The following MTAP variants were observed in gnomAD, a reference collection of about 807,000 sequenced individuals.
MTAP encodes S-methyl-5'-thioadenosine phosphorylase.
MTAP carries 33 observed loss-of-function variants against 33.6 expected under a neutral mutation model. That is an observed-to-expected ratio of 0.98 (90% confidence interval 0.74 to 1.31). The LOEUF (loss-of-function observed/expected upper bound fraction) is 1.31, where lower values mean the gene tolerates loss of function less well. Ranked by LOEUF, MTAP falls within the 40% of genes most tolerant of loss-of-function variation. The probability of loss-of-function intolerance (pLI) is 0.00; values close to 1 mark genes in which losing one functional copy is unlikely to be tolerated. For synonymous variants in MTAP, 148 were observed against 125.7 expected, an observed-to-expected ratio of 1.18 and a Z score of -1.19; for missense variants, 367 against 360.0, an observed-to-expected ratio of 1.02 and a Z score of -0.16.
rs1336022869 is a variant in MTAP, at chr9:21,922,110, C to T, written c.148-8898C>T. On this transcript the variant is annotated intron_variant, in intron 1 of 1. Coordinates refer to the MTAP transcript ENST00000577563. The surrounding 1 kb of genome is among the most constrained non-coding windows in gnomAD (Gnocchi z 4.8). ...GCTTCCCAATAAGGAGCTGAGCAAG[C>T]AGTCTCAAGCATGCACTAAGAGGCA... Among the ~76,000 whole-genome samples the T allele has an allele frequency of 1.3e-5, 2 of 152,090 alleles. No individual in the cohort carries two copies. The highest frequency in any genetic ancestry group is 3.9e-4 in the East Asian group (2 of 5,174).
intron 4 of MTAP, among the ~76,000 whole-genome samples, chr9:21,833,493 G>T (rs1160498602): frequency 2.0e-5 from 3 of 152,174 alleles, no homozygotes; most frequent in Non-Finnish European, 4.4e-5. Flanking sequence ...TGGTTATAGA[G>T]ACAGAATTGT....
intron 6 of MTAP, among the ~76,000 whole-genome samples, 166 bp downstream of exon 6, chr9:21,855,036 AAAGG>A (rs1471154927): frequency 1.3e-5 from 2 of 152,232 alleles, no homozygotes; most frequent in African/African-American, 2.4e-5. Flanking sequence ...AACAAAGATC[AAAGG>A]AAAGAAAGAG....
At chr9:21,932,529 G>T (rs1054136342), downstream of MTAP, 1 of 151,972 alleles carries the variant, frequency 6.6e-6, no homozygotes, top group African/African-American at 2.4e-5. Context: ...TCTGACTACC[G>T]ATGGCTCCAC....
chr9:21,868,784 C>G (rs996365776), downstream of MTAP, among the ~76,000 whole-genome samples: 6 of 152,126 alleles, frequency 3.9e-5, no homozygotes, highest in African/African-American at 1.4e-4. Context: ...TGTTTTCCCT[C>G]CTGTTACCAT....
intron 1 of MTAP, among the ~76,000 whole-genome samples, chr9:21,924,984 C>A (rs1312812332): frequency 1.3e-5 from 2 of 152,232 alleles, no homozygotes; most frequent in African/African-American, 4.8e-5. Flanking sequence ...GAGAACATGA[C>A]TCCATTATGG....
At chr9:21,824,107 C>CAA (rs1477711238) in intron 4 of MTAP, among the ~76,000 whole-genome samples, 1 of 152,112 alleles carries the variant, frequency 6.6e-6, no homozygotes. Context: ...CTCAACTCGT[C>CAA]AGTCATTCTC....
At chr9:21,813,572 A>G (rs1340773357) in intron 1 of MTAP, among the ~76,000 whole-genome samples, 4 of 152,188 alleles carry the variant, frequency 2.6e-5, no homozygotes, top group African/African-American at 4.8e-5. Context: ...GGTGGCTCCA[A>G]ACAAAGCCCA....
At chr9:21,825,361 C>T (rs141268820) in intron 4 of MTAP, among the ~76,000 whole-genome samples, 7 of 152,114 alleles carry the variant, frequency 4.6e-5, no homozygotes, top group Non-Finnish European at 8.8e-5. Flanking sequence ...TCTTTCTTGA[C>T]GTAAAATTTC....
intron 4 of MTAP, among the ~76,000 whole-genome samples, chr9:21,820,353 C>G (rs1824600951): frequency 6.6e-6 from 1 of 152,198 alleles, no homozygotes; most frequent in African/African-American, 2.4e-5. Context: ...TTTCAGCTTT[C>G]TACACATGGC....
intron 4 of MTAP, among the ~76,000 whole-genome samples, chr9:21,825,486 C>A (rs533178211): frequency 6.6e-6 from 1 of 152,200 alleles, no homozygotes; most frequent in East Asian, 1.9e-4. Flanking sequence ...CAGCAGTATA[C>A]AAGGGTTCTG....
intron 4 of MTAP, among the ~76,000 whole-genome samples, chr9:21,837,542 T>C (rs915258199): frequency 1.3e-5 from 2 of 152,212 alleles, no homozygotes; most frequent in Non-Finnish European, 2.9e-5. Context: ...TGGTGTTAAG[T>C]ATATGATTTT....
At chr9:21,854,285 C>G (rs1388135470) in intron 5 of MTAP, among the ~76,000 whole-genome samples, 2 of 152,180 alleles carry the variant, frequency 1.3e-5, no homozygotes, top group Admixed American at 6.5e-5. Context: ...AGACTCCAGT[C>G]TGTATTCTCA....
chr9:21,862,249 T>A lies in MTAP; in HGVS notation c.*235T>A. The A allele has an allele frequency of 9.1e-7, 1 of 1,094,454 alleles. No individual in the cohort carries two copies. The highest frequency in any genetic ancestry group is 1.2e-6 in the Non-Finnish European group (1 of 849,868). 67.8% of individuals were successfully genotyped at this position (1,094,454 alleles called of 1,614,324 possible). ...CTAGTAAACATGTGGGAAAAAATAT[T>A]ACATTTTAAGGGGGAAAAAAAAACC... On this transcript the variant is annotated 3_prime_UTR_variant, in exon 8 of 8. Coordinates refer to ENST00000644715, the MANE Select transcript of MTAP (RefSeq NM_002451.4).
chr9:21,847,787 T>C (rs1479285792), intron 5 of MTAP, among the ~76,000 whole-genome samples: 2 of 152,140 alleles, frequency 1.3e-5, no homozygotes, highest in African/African-American at 2.4e-5. Context: ...GAAAGACTTA[T>C]CTCCTGTAGA....
At chr9:21,820,630 C>G (rs1824610798) in intron 4 of MTAP, among the ~76,000 whole-genome samples, 1 of 151,868 alleles carries the variant, frequency 6.6e-6, no homozygotes, top group Non-Finnish European at 1.5e-5. Context: ...GTTCATGGTT[C>G]CATATGAACT....
intron 1 of MTAP, among the ~76,000 whole-genome samples, chr9:21,921,488 A>C (rs916887927): frequency 1.3e-5 from 2 of 152,006 alleles, no homozygotes; most frequent in Admixed American, 6.6e-5. Flanking sequence ...TAGGTTGTTA[A>C]TTTGAAGTTC....
downstream of MTAP, among the ~76,000 whole-genome samples, chr9:21,867,459 A>G (rs1825871268): frequency 6.6e-6 from 1 of 152,024 alleles, no homozygotes; most frequent in Non-Finnish European, 1.5e-5. Flanking sequence ...TATTTTGTTA[A>G]TGTAGATTCT....
At chr9:21,817,945 A>C in intron 3 of MTAP, 90 bp from the exon 4 acceptor site, 1 of 1,280,584 alleles carries the variant, frequency 7.8e-7, no homozygotes, top group Non-Finnish European at 1.1e-6. Flanking sequence ...GGTCATTGCT[A>C]GAGAATCACT....
intron 5 of MTAP, among the ~76,000 whole-genome samples, chr9:21,844,015 CA>C (rs1315858970): frequency 1.1e-4 from 16 of 151,910 alleles, no homozygotes; most frequent in Non-Finnish European, 1.9e-4. Flanking sequence ...AGAAAAGATC[CA>C]AATAAGCTCA....
Sources: allele counts gnomAD v4.1 joint callset (sites outside exome capture counted in the v4.1 genomes callset), GRCh38; gene constraint gnomAD v4.1.1; non-coding constraint Gnocchi (gnomAD v3.1); transcripts MANE v1.5; gene names NCBI Gene and HGNC (gene_info 2026-07-23, HGNC 2026-07-21).